FITM2: variants seen among roughly 807,000 people sequenced by gnomAD.
FITM2 encodes the protein acyl-coenzyme A diphosphatase FITM2.
A neutral mutation model predicts 23.3 loss-of-function variants in FITM2; 16 were observed. That is an observed-to-expected ratio of 0.69 (90% CI 0.47 to 1.05). FITM2 has a LOEUF of 1.05. Ranked by LOEUF, FITM2 falls within the 50% of genes least tolerant of loss-of-function variation. The pLI is 0.00. For missense variants in FITM2, 273 were observed against 327.5 expected, an observed-to-expected ratio of 0.83 and a Z score of 1.29; for synonymous variants, 132 against 142.0, an observed-to-expected ratio of 0.93 and a Z score of 0.50.
intron 1 of FITM2, among the ~76,000 whole-genome samples, chr20:44,308,848 T>C (rs1463881891): frequency 6.6e-6 from 1 of 152,120 alleles, no homozygotes; most frequent in Non-Finnish European, 1.5e-5. Context: ...GGCCTGGTTC[T>C]TTCCTAATGG....
In FITM2 at chr20:44,302,849, A is replaced by G. The variant is rs1200480888; in HGVS notation, c.*3776T>C. 6.6e-6 allele frequency: 1 copy of G among 152,206 alleles called. No homozygotes were observed. Among genetic ancestry groups the G allele is most frequent in the South Asian group, 2.1e-4 (1 of 4,838 alleles). The allele number at this position is 152,206 out of a possible 1,614,324, so 9.4% of individuals were successfully genotyped here. ...ACAAAATGCTGAAATATGGGATTTCATTATCTCAGTTTACTTTAATTTGCT... is the reference window on the plus strand; with the variant it reads ...ACAAAATGCTGAAATATGGGATTTCGTTATCTCAGTTTACTTTAATTTGCT... On this transcript the variant is annotated 3_prime_UTR_variant, in exon 2 of 2. Transcript: ENST00000396825.
Position 44,303,475 on chromosome 20 carries a change from T to C in FITM2, c.*3150A>G, listed in dbSNP as rs1231714666. The C allele has an allele frequency of 6.6e-6, 1 of 152,222 alleles. No individual in the cohort carries two copies. The highest frequency in any genetic ancestry group is 1.5e-5 in the Non-Finnish European group (1 of 68,032). 9.4% of individuals were successfully genotyped at this position (152,222 alleles called of 1,614,324 possible). On this transcript the variant is annotated 3_prime_UTR_variant, in exon 2 of 2. Coordinates refer to ENST00000396825, the MANE Select transcript of FITM2 (RefSeq NM_001080472.4). ...GAAGCCTCATCGATACAGAAGGCTC[T>C]GCAATTGACACTTTCCACATACAGT...
chr20:44,306,559 C>T lies in FITM2; in HGVS notation c.*66G>A, dbSNP rs2062689974. 1 of 1,559,918 alleles carries T rather than the reference C, an allele frequency of 6.4e-7. No individual in the cohort carries two copies. Among genetic ancestry groups the T allele is most frequent in the African/African-American group, 1.4e-5 (1 of 72,848 alleles). On this transcript the variant is annotated 3_prime_UTR_variant, in exon 2 of 2. Transcript: ENST00000396825. ...TAGGATCAATAATTTAGCCAAATAA[C>T]TAAGCAAAATATATATTTGAAAAAT...
Position 44,306,640 on chromosome 20 carries a change from ATCTTG to A in FITM2, c.769_773del (p.Gln257Ter). The A allele has an allele frequency of 6.2e-7, 1 of 1,613,622 alleles. No individual in the cohort carries two copies. The highest frequency in any genetic ancestry group is 1.1e-5 in the South Asian group (1 of 91,004). On this transcript the variant is annotated frameshift_variant, in exon 2 of 2. Transcript: ENST00000396825. LOFTEE classifies it high-confidence loss of function. ...TGTTACTCTTTTATTTCTTGTAACT[ATCTTG>A]CTTCAAATTCAAACTACAGCTCTGG...
chr20:44,311,085 G>A lies in FITM2; in HGVS notation c.64C>T (p.Arg22Cys). The A allele has an allele frequency of 1.9e-6, 3 of 1,612,510 alleles. No individual in the cohort carries two copies. The highest frequency in any genetic ancestry group is 2.5e-6 in the Non-Finnish European group (3 of 1,179,484). Reference sequence around the variant, plus strand: ...GCCACCAGGGCCCAGGGCAGGTAGCGCCGCACGGCCGCCCGCACCAGCGTC... The same window carrying A: ...GCCACCAGGGCCCAGGGCAGGTAGCACCGCACGGCCGCCCGCACCAGCGTC... Reference protein sequence around the residue: ...RGTLVRAAVRRYLPWALVASM... With the variant: ...RGTLVRAAVRCYLPWALVASM... The change falls in exon 1 of 2, where the codon CGC (arginine) becomes TGC (cysteine). Residue 22 changes from arginine (R) to cysteine (C), a missense_variant. Physicochemically the swap from Arg to Cys is radical, Grantham distance 180. Around this residue, in one of 3 missense-constraint regions of FITM2, gnomAD observed 123 missense variants for 117.9 expected, o/e 1.04. Coordinates refer to ENST00000396825, the MANE Select transcript of FITM2 (RefSeq NM_001080472.4).
At chr20:44,308,994 C>T (rs982722018) in intron 1 of FITM2, among the ~76,000 whole-genome samples, 14 of 149,904 alleles carry the variant, frequency 9.3e-5, no homozygotes, top group African/African-American at 3.4e-4. Flanking sequence ...GCTGGGGGGA[C>T]CAAATGATTT....
At position 44,311,093 on chromosome 20, in the gene FITM2, G is replaced by T. The variant is rs780152118; in HGVS notation, c.56C>A (p.Ala19Asp). ...GGCCCAGGGCAGGTAGCGCCGCACGGCCGCCCGCACCAGCGTCCCCCGCAA... is the reference window on the plus strand; with the variant it reads ...GGCCCAGGGCAGGTAGCGCCGCACGTCCGCCCGCACCAGCGTCCCCCGCAA... ...WLLRGTLVRA[A>D]VRRYLPWALV... Residue 19 changes from alanine to aspartate, a missense_variant, in exon 1 of 2, where the codon GCC (alanine) becomes GAC (aspartate). By Grantham distance (126) the Ala-to-Asp change is moderately radical. This residue lies in a region of FITM2 where 123 missense variants were observed against 117.9 expected (regional missense o/e 1.04). Transcript: ENST00000396825. 1 of 1,612,624 alleles carries T rather than the reference G, an allele frequency of 6.2e-7. No individual in the cohort carries two copies. The highest frequency in any genetic ancestry group is 8.5e-7 in the Non-Finnish European group (1 of 1,179,498).
Position 44,311,002 on chromosome 20 carries a change from G to C in FITM2, c.147C>G (p.Leu49=), listed in dbSNP as rs1329576378. 6.4e-7 allele frequency: 1 copy of C among 1,563,172 alleles called. No homozygotes were observed. Among genetic ancestry groups the C allele is most frequent in the African/African-American group, 1.4e-5 (1 of 73,324 alleles). The change falls in exon 1 of 2, where the codon CTC becomes CTG. Residue 49 remains leucine (L), a synonymous_variant. Coordinates refer to ENST00000396825, the MANE Select transcript of FITM2 (RefSeq NM_001080472.4). ...KELSPLPESY[L]SNKRNVLNVY... is the part of the protein sequence containing the mutation. ...CGTTGAGGACGTTGCGCTTGTTGCT[G>C]AGGTAGCTCTCGGGCAACGGGGACA... is the stretch of plus-strand genomic sequence containing the variant.
At chr20:44,307,353 G>T in intron 1 of FITM2, 113 bp from the exon 2 acceptor site, 1 of 1,289,684 alleles carries the variant, frequency 7.8e-7, no homozygotes, top group Non-Finnish European at 1.1e-6. Context: ...ACTGATCAAA[G>T]CTACAGCTCA....
At chr20:44,308,593 TG>T (rs2062696938) in intron 1 of FITM2, among the ~76,000 whole-genome samples, 1 of 152,200 alleles carries the variant, frequency 6.6e-6, no homozygotes, top group African/African-American at 2.4e-5. Flanking sequence ...TTGCGTGCAG[TG>T]GCACAATCAC....
Position 44,303,198 on chromosome 20 carries a change from G to C in FITM2, c.*3427C>G, listed in dbSNP as rs934342995. 1 of 152,184 alleles carries C rather than the reference G, an allele frequency of 6.6e-6. No individual in the cohort carries two copies. The highest frequency in any genetic ancestry group is 1.5e-5 in the Non-Finnish European group (1 of 68,048). The allele number at this position is 152,184 out of a possible 1,614,324, so 9.4% of individuals were successfully genotyped here. ...AGGCTTACTCAAGAAAAAGGAGGCAGGGAGACTATGGCCTGCTAAGCACAG... is the reference window on the plus strand; with the variant it reads ...AGGCTTACTCAAGAAAAAGGAGGCACGGAGACTATGGCCTGCTAAGCACAG... On this transcript the variant is annotated 3_prime_UTR_variant, in exon 2 of 2. Transcript: ENST00000396825.
chr20:44,310,041 A>C (rs2146092157), intron 1 of FITM2, among the ~76,000 whole-genome samples: 1 of 152,322 alleles, frequency 6.6e-6, no homozygotes, highest in Non-Finnish European at 1.5e-5. Flanking sequence ...CTTCACTGGG[A>C]CTGATAAGGA....
At chr20:44,309,115 C>G (rs540417738) in intron 1 of FITM2, among the ~76,000 whole-genome samples, 2 of 152,252 alleles carry the variant, frequency 1.3e-5, no homozygotes, top group South Asian at 4.1e-4. Flanking sequence ...CTGCCTCAGC[C>G]TCCGGAGTAG....
intron 1 of FITM2, among the ~76,000 whole-genome samples, chr20:44,307,793 A>C (rs1204636408): frequency 6.6e-6 from 1 of 151,666 alleles, no homozygotes; most frequent in Non-Finnish European, 1.5e-5. Context: ...ATCCATTAAC[A>C]ACTCTATGAG....
chr20:44,307,234 A>G lies in FITM2; in HGVS notation c.180T>C (p.Phe60=). The G allele has an allele frequency of 6.2e-7, 1 of 1,613,768 alleles. No homozygotes were observed. Among genetic ancestry groups the G allele is most frequent in the Non-Finnish European group, 8.5e-7 (1 of 1,179,736 alleles). ...ACGTCCAGGCCCAGGCCACTTTGAC[A>G]AAATACCTGACAGAGGAGGAAAGTG... ...SNKRNVLNVY[F]VKVAWAWTFC... is the part of the protein sequence containing the mutation. Residue 60 remains phenylalanine (F), a synonymous_variant, in exon 2 of 2, where the codon TTT becomes TTC. Transcript: ENST00000396825.
At chr20:44,310,885 C>A in intron 1 of FITM2, 91 bp downstream of exon 1, 6 of 1,450,852 alleles carry the variant, frequency 4.1e-6, no homozygotes, top group Non-Finnish European at 4.6e-6. Flanking sequence ...TCCAATGACT[C>A]GTCCACCACG....
chr20:44,308,214 G>A (rs919867375), intron 1 of FITM2, among the ~76,000 whole-genome samples: 4 of 152,188 alleles, frequency 2.6e-5, no homozygotes, highest in Admixed American at 2.0e-4. Flanking sequence ...CAGAAGCGGA[G>A]GAGCCAGGAT....
chr20:44,309,709 A>AATCAGCACAGAG (rs1454180016), intron 1 of FITM2, among the ~76,000 whole-genome samples: 8 of 152,270 alleles, frequency 5.3e-5, no homozygotes, highest in African/African-American at 1.9e-4. Flanking sequence ...CCCTCTCATT[A>AATCAGCACAGAG]ATCAGCACAG....
rs555259401 is a variant in FITM2 at position 44,306,856 on chromosome 20, G to A, written c.558C>T (p.Thr186=). 33 of 1,614,182 alleles carry A rather than the reference G, an allele frequency of 2.0e-5. No individual in the cohort carries two copies. Among genetic ancestry groups the A allele is most frequent in the Middle Eastern group, 3.3e-4 (2 of 6,062 alleles). The part of the protein sequence containing the change: ...VKTDRSHCLH[T]AITTLVVALG... ...GGGCCACAACCAGGGTGGTGATGGC[G>A]GTGTGGAGGCAGTGGCTTCGGTCCG... Residue 186 remains threonine (T), a synonymous_variant, in exon 2 of 2, where the codon ACC becomes ACT. Transcript: ENST00000396825.
Sources: allele counts gnomAD v4.1 joint callset (sites outside exome capture counted in the v4.1 genomes callset), GRCh38; gene constraint gnomAD v4.1.1; regional missense constraint gnomAD v4.1.1; transcripts MANE v1.5; gene names NCBI Gene and HGNC (gene_info 2026-07-23, HGNC 2026-07-21).